Variants in MOBP observed in about 807,000 individuals in gnomAD.
The protein encoded by MOBP is myelin associated oligodendrocyte basic protein.
Under a neutral mutation model 15.0 loss-of-function variants are expected in MOBP, and 5 were observed. That is an observed-to-expected ratio of 0.33 (90% CI 0.17 to 0.70). The LOEUF (loss-of-function observed/expected upper bound fraction) is 0.70, where lower values mean the gene tolerates loss of function less well. MOBP is among the 30% of genes least tolerant of loss of function. The pLI, the probability that MOBP is intolerant of heterozygous loss-of-function variation, is 0.67. For synonymous variants in MOBP, 88 were observed against 99.0 expected, an observed-to-expected ratio of 0.89 and a Z score of 0.66; for missense variants, 188 against 257.8, an observed-to-expected ratio of 0.73 and a Z score of 1.85.
In MOBP at chr3:39,502,187, G is replaced by A. The variant is rs1261891950; in HGVS notation, c.118G>A (p.Val40Met). 1.2e-6 allele frequency: 2 copies of A among 1,614,242 alleles called. No homozygotes were observed. ...CTTCCTCAATTCCAAGAAGGAGATA[G>A]TGGATCGGAAATACAGCATCTGTAA... ...FTFLNSKKEI[V>M]DRKYSICKSG... The change falls in exon 3 of 4, where the codon GTG becomes ATG. Residue 40 changes from valine (V) to methionine (M), a missense_variant. Coordinates refer to ENST00000684792, the MANE Select transcript of MOBP (RefSeq NM_001393704.1). The surrounding 1 kb of genome is among the most constrained non-coding windows in gnomAD (Gnocchi z 6.3).
downstream of MOBP, among the ~76,000 whole-genome samples, chr3:39,518,283 A>G (rs1197855321): frequency 1.3e-5 from 2 of 152,118 alleles, no homozygotes; most frequent in East Asian, 3.9e-4. Context: ...GGGGTCTAGA[A>G]AGAAAGTTTT....
At chr3:39,483,794 C>T (rs1284477547) in intron 2 of MOBP, among the ~76,000 whole-genome samples, 5 of 152,128 alleles carry the variant, frequency 3.3e-5, no homozygotes, top group Non-Finnish European at 7.4e-5. Context: ...ATTGTAAAAC[C>T]TAGTACACTT....
intron 1 of MOBP, among the ~76,000 whole-genome samples, chr3:39,469,708 G>A (rs1308109781): frequency 2.0e-5 from 3 of 152,148 alleles, no homozygotes; most frequent in Non-Finnish European, 4.4e-5. Context: ...GAATAGGCTT[G>A]CATTTTAGAT....
At chr3:39,489,220 A>C (rs2042758864) in intron 2 of MOBP, among the ~76,000 whole-genome samples, 1 of 152,170 alleles carries the variant, frequency 6.6e-6, no homozygotes, top group Non-Finnish European at 1.5e-5. Flanking sequence ...TTAGCCTTCT[A>C]ATCTAAATTT....
intron 1 of MOBP, among the ~76,000 whole-genome samples, chr3:39,476,585 GA>G: frequency 6.6e-6 from 1 of 151,844 alleles, no homozygotes; most frequent in Middle Eastern, 3.4e-3. Context: ...ACTATTGTAG[GA>G]TTATCTACAC....
In MOBP at chr3:39,472,873, A is replaced by T. The variant is rs77679348; in HGVS notation, c.-89+5133A>T. Among the ~76,000 whole-genome samples, 1,056 of 152,264 alleles carry T rather than the reference A, an allele frequency of 6.9e-3. 15 individuals carry two copies. Among genetic ancestry groups the T allele is most frequent in the African/African-American group, 0.022 (920 of 41,542 alleles). ...CCTGGGAGGTCAAGGCAGTATGAAG[A>T]CATATTCGTGCCATTGCACTCGAGC... On this transcript the variant is annotated intron_variant, in intron 1 of 3. Coordinates refer to ENST00000684792, the MANE Select transcript of MOBP (RefSeq NM_001393704.1).
chr3:39,504,182 A>T (rs1200691383), downstream of MOBP, among the ~76,000 whole-genome samples: 1 of 152,270 alleles, frequency 6.6e-6, no homozygotes, highest in East Asian at 1.9e-4. Context: ...TAAAACTTTA[A>T]TAGCAAGTTG....
In MOBP at chr3:39,502,540, G is replaced by A; in HGVS notation, c.212G>A (p.Ser71Asn). 2 of 1,577,882 alleles carry A rather than the reference G, an allele frequency of 1.3e-6. No individual in the cohort carries two copies. The highest frequency in any genetic ancestry group is 1.8e-5 in the Admixed American group (1 of 56,918). Reference protein sequence around the residue: ...ICCACQKTRTSRRAKSPQRPK... With the variant: ...ICCACQKTRTNRRAKSPQRPK... ...GCTTCTTTTGGCCCTCTCAGAACCAGCCGCCGTGCCAAGTCCCCTCAGAGG... is the reference window on the plus strand; with the variant it reads ...GCTTCTTTTGGCCCTCTCAGAACCAACCGCCGTGCCAAGTCCCCTCAGAGG... Residue 71 changes from serine (S) to asparagine (N), a missense_variant, in exon 4 of 4, where the codon AGC (serine) becomes AAC (asparagine). Physicochemically the swap from Ser to Asn is conservative, Grantham distance 46 (BLOSUM62 1). This residue lies in a region of MOBP where 133 missense variants were observed against 212.5 expected (regional missense o/e 0.63). Transcript: ENST00000684792. This position sits in a 1 kb window ranked among gnomAD's most constrained non-coding sequence, Gnocchi z 6.3.
intron 3 of MOBP, among the ~76,000 whole-genome samples, chr3:39,522,782 A>G (rs2043285652): frequency 1.3e-5 from 2 of 152,168 alleles, no homozygotes; most frequent in Non-Finnish European, 2.9e-5. Context: ...TAAGTTGCTG[A>G]CCCCTGTCCT....
intron 3 of MOBP, among the ~76,000 whole-genome samples, chr3:39,522,071 C>G (rs538547243): frequency 6.6e-6 from 1 of 152,278 alleles, no homozygotes; most frequent in Admixed American, 6.5e-5. Context: ...TTCTCCATCA[C>G]TGGGAGAGGT....
chr3:39,499,134 A>C (rs1427402105), intron 2 of MOBP, among the ~76,000 whole-genome samples: 2 of 152,200 alleles, frequency 1.3e-5, no homozygotes, highest in South Asian at 2.1e-4. Flanking sequence ...GTTGAGTAAC[A>C]GTCTCCATGT....
At position 39,502,691 on chromosome 3, in the gene MOBP, G is replaced by A. The variant is rs1247916459; in HGVS notation, c.363G>A (p.Pro121=). Reference sequence around the variant, plus strand: ...CTGAGCGTCAGCCACGGTCCCCTCCGAGGTCTGAGCGTCAGCCACGGTCCC... The same window carrying A: ...CTGAGCGTCAGCCACGGTCCCCTCCAAGGTCTGAGCGTCAGCCACGGTCCC... ...PRSERQPRSP[P]RSERQPRSPP... is the part of the protein sequence containing the mutation. The change falls in exon 4 of 4, where the codon CCG becomes CCA. Residue 121 remains proline, a synonymous_variant. Coordinates refer to ENST00000684792, the MANE Select transcript of MOBP (RefSeq NM_001393704.1). The surrounding 1 kb of genome is among the most constrained non-coding windows in gnomAD (Gnocchi z 6.3). The A allele has an allele frequency of 6.6e-7, 1 of 1,513,536 alleles. No homozygotes were observed. Among genetic ancestry groups the A allele is most frequent in the Non-Finnish European group, 8.8e-7 (1 of 1,136,598 alleles). The allele number at this position is 1,513,536 out of a possible 1,614,324, so 93.8% of individuals were successfully genotyped here. A position where few individuals can be genotyped will look rare whatever the true frequency, so the allele number is the denominator to read the frequency against.
chr3:39,496,794 G>C (rs945508304), intron 2 of MOBP, among the ~76,000 whole-genome samples: 2 of 152,124 alleles, frequency 1.3e-5, no homozygotes, highest in East Asian at 1.9e-4. Flanking sequence ...CTCTCAAGTA[G>C]TTGGGATTAC....
chr3:39,512,069 G>T (rs1333811791), intron 4 of MOBP, among the ~76,000 whole-genome samples: 1 of 152,122 alleles, frequency 6.6e-6, no homozygotes, highest in Non-Finnish European at 1.5e-5. Context: ...AATACATTGT[G>T]TCACTTAACC....
chr3:39,468,225 T>C (rs528671519), intron 1 of MOBP, among the ~76,000 whole-genome samples: 37 of 152,278 alleles, frequency 2.4e-4, no homozygotes, highest in Middle Eastern at 3.4e-3. Flanking sequence ...CCCAAATCTT[T>C]TCGGAATTCT....
downstream of MOBP, among the ~76,000 whole-genome samples, chr3:39,519,505 CTTTTTTTT>C (rs3036572): frequency 1.1e-4 from 15 of 131,580 alleles, no homozygotes; most frequent in Admixed American, 4.6e-4. Flanking sequence ...TAAATGGCAT[CTTTTTTTT>C]TTTTTTTTTT....
At chr3:39,517,499 T>C (rs1249330349), downstream of MOBP, among the ~76,000 whole-genome samples, 1 of 152,146 alleles carries the variant, frequency 6.6e-6, no homozygotes, top group Admixed American at 6.5e-5. Flanking sequence ...ACAAAAGTAA[T>C]GTTTAGTGTC....
intron 2 of MOBP, among the ~76,000 whole-genome samples, chr3:39,497,116 C>T (rs746052186): frequency 1.3e-5 from 2 of 152,198 alleles, no homozygotes; most frequent in Non-Finnish European, 2.9e-5. Flanking sequence ...TATTTTCATC[C>T]ATCTGAGTTT....
chr3:39,524,885 A>G (rs1316016231), downstream of MOBP: 1 of 152,204 alleles, frequency 6.6e-6, no homozygotes, highest in Non-Finnish European at 1.5e-5. Flanking sequence ...CAAATCAGAC[A>G]TACACACATT....
Sources: gnomAD v4.1 joint callset for allele counts (sites outside exome capture counted in the v4.1 genomes callset) on GRCh38, gnomAD v4.1.1 for gene constraint, gnomAD v4.1.1 regional missense constraint, Gnocchi (gnomAD v3.1) non-coding constraint, MANE v1.5 for transcripts, NCBI Gene and HGNC (gene_info 2026-07-23, HGNC 2026-07-21) for gene names.